Variants in SMOC2 observed in about 807,000 individuals in gnomAD.
SMOC2 encodes the protein SPARC related modular calcium binding 2.
SMOC2 carries 39 observed loss-of-function variants against 61.4 expected under a neutral mutation model. That is an observed-to-expected ratio of 0.64 (90% CI 0.49 to 0.83). The LOEUF is 0.83. Ranked by LOEUF, SMOC2 falls within the 40% of genes least tolerant of loss-of-function variation. The pLI is 0.00. For synonymous variants in SMOC2, 247 were observed against 239.9 expected (o/e 1.03, Z -0.27); for missense variants, 556 against 592.9 (o/e 0.94, Z 0.65).
chr6:168,657,289 C>A (rs1787348003), intron 11 of SMOC2, among the ~76,000 whole-genome samples: 1 of 152,268 alleles, frequency 6.6e-6, no homozygotes, highest in Non-Finnish European at 1.5e-5. Context: ...GACACACAGG[C>A]ACTGCAGTCA....
intron 7 of SMOC2, among the ~76,000 whole-genome samples, chr6:168,577,220 T>C (rs990329522): frequency 3.9e-5 from 6 of 152,094 alleles, no homozygotes; most frequent in Non-Finnish European, 8.8e-5. Flanking sequence ...CCAGGATGCC[T>C]TATTCCATCT....
intron 9 of SMOC2, among the ~76,000 whole-genome samples, chr6:168,649,258 T>G (rs1454371921): frequency 1.3e-5 from 2 of 152,160 alleles, no homozygotes. Context: ...CTTTTCTTAG[T>G]AAAAAATGGA....
At chr6:168,586,874 TAAA>T (rs1000819591) in intron 7 of SMOC2, among the ~76,000 whole-genome samples, 1 of 152,204 alleles carries the variant, frequency 6.6e-6, no homozygotes, top group Admixed American at 6.5e-5. Flanking sequence ...TTTGCAAATA[TAAA>T]AAAGTAGTGA....
At chr6:168,590,126 T>G (rs12526778) in intron 7 of SMOC2, among the ~76,000 whole-genome samples, 145 of 60,786 alleles carry the variant, frequency 2.4e-3, no homozygotes, top group Middle Eastern at 0.01. Flanking sequence ...CGGCCTGGTG[T>G]TGGTCAGGTG....
In SMOC2 at chr6:168,537,506, G is replaced by A. The variant is rs567528343; in HGVS notation, c.464-6119G>A. On this transcript the variant is annotated intron_variant, in intron 4 of 12. Transcript: ENST00000356284. ...TAATACAGCACTCTGCAGGCTGTGA[G>A]AAGACTTGCTTAGCTGAAAGCTGGT... Among the ~76,000 whole-genome samples, 66 of 152,386 alleles carry A rather than the reference G, an allele frequency of 4.3e-4. 1 individual carries two copies. The South Asian group carries it at 0.013, about 31-fold the overall frequency.
chr6:168,574,687 G>A (rs1784754715), intron 7 of SMOC2, among the ~76,000 whole-genome samples: 1 of 152,050 alleles, frequency 6.6e-6, no homozygotes, highest in Non-Finnish European at 1.5e-5. Context: ...GTGGGTGACA[G>A]CACAGGATGA....
chr6:168,449,736 C>T (rs543736070), intron 1 of SMOC2, among the ~76,000 whole-genome samples: 1 of 152,340 alleles, frequency 6.6e-6, no homozygotes, highest in African/African-American at 2.4e-5. Context: ...CTGTGTGTGA[C>T]AAGCACTTCT....
intron 7 of SMOC2, among the ~76,000 whole-genome samples, chr6:168,580,183 G>T (rs2115157020): frequency 6.6e-6 from 1 of 152,312 alleles, no homozygotes; most frequent in East Asian, 1.9e-4. Flanking sequence ...GTCTGAGTTT[G>T]TTGCTATGGG....
chr6:168,649,656 C>T (rs1787140974), intron 9 of SMOC2, among the ~76,000 whole-genome samples: 1 of 152,200 alleles, frequency 6.6e-6, no homozygotes, highest in East Asian at 1.9e-4. Flanking sequence ...GCAAATTTTG[C>T]TCCCTGCTTG....
chr6:168,579,586 A>T (rs978865269), intron 7 of SMOC2, among the ~76,000 whole-genome samples: 3 of 152,254 alleles, frequency 2.0e-5, no homozygotes, highest in Non-Finnish European at 4.4e-5. Flanking sequence ...CTTTTCTGGC[A>T]TAGCTGTGTT....
intron 7 of SMOC2, among the ~76,000 whole-genome samples, chr6:168,592,522 C>T (rs1185769231): frequency 9.9e-6 from 1 of 100,690 alleles, no homozygotes; most frequent in Non-Finnish European, 2.1e-5. Context: ...CCTGAGGCCT[C>T]ACGGGCATCT....
intron 5 of SMOC2, among the ~76,000 whole-genome samples, chr6:168,546,647 C>T (rs1279912437): frequency 1.3e-5 from 2 of 152,072 alleles, no homozygotes; most frequent in Admixed American, 6.5e-5. Context: ...GTCCAGGATT[C>T]TCCAACCCTT....
chr6:168,454,368 T>C (rs1028574460), intron 1 of SMOC2, among the ~76,000 whole-genome samples: 1 of 152,206 alleles, frequency 6.6e-6, no homozygotes, highest in Non-Finnish European at 1.5e-5. Flanking sequence ...GCTTTTTTTT[T>C]TGGTCACACA....
At chr6:168,563,913 C>T (rs1340639367) in intron 7 of SMOC2, among the ~76,000 whole-genome samples, 4 of 152,004 alleles carry the variant, frequency 2.6e-5, no homozygotes, top group African/African-American at 9.7e-5. Context: ...CAGGGGCCTG[C>T]AGGGGGCGGG....
chr6:168,492,928 G>A (rs894879112), intron 1 of SMOC2, among the ~76,000 whole-genome samples: 4 of 152,196 alleles, frequency 2.6e-5, no homozygotes, highest in Admixed American at 1.3e-4. Context: ...GCATGACGTC[G>A]TAAGGCTGAC....
chr6:168,523,618 C>A (rs1471071266), intron 2 of SMOC2, among the ~76,000 whole-genome samples: 1 of 151,704 alleles, frequency 6.6e-6, no homozygotes, highest in Admixed American at 6.6e-5. Context: ...CCAGGATGGT[C>A]TTCATCTCCT....
chr6:168,635,243 G>T (rs1019520846), intron 9 of SMOC2, among the ~76,000 whole-genome samples: 8 of 152,204 alleles, frequency 5.3e-5, no homozygotes, highest in African/African-American at 1.9e-4. Context: ...GCAGGATAAA[G>T]GGTGTTCACC....
intron 1 of SMOC2, among the ~76,000 whole-genome samples, chr6:168,458,350 A>AG (rs1261017538): frequency 7.1e-6 from 1 of 140,782 alleles, no homozygotes; most frequent in Non-Finnish European, 1.5e-5. Flanking sequence ...GGGTCCTGGG[A>AG]GGGAGACGGT....
intron 7 of SMOC2, among the ~76,000 whole-genome samples, chr6:168,585,631 G>C (rs978171141): frequency 6.6e-6 from 1 of 152,200 alleles, no homozygotes; most frequent in African/African-American, 2.4e-5. Context: ...AGGAATGTCC[G>C]AGGCCTCCCA....
Sources: gnomAD v4.1 joint callset for allele counts (sites outside exome capture counted in the v4.1 genomes callset) on GRCh38, gnomAD v4.1.1 for gene constraint, MANE v1.5 for transcripts, NCBI Gene and HGNC (gene_info 2026-07-23, HGNC 2026-07-21) for gene names.